The following DCAF6 variants were observed in gnomAD, a reference collection of about 807,000 sequenced individuals.
The protein encoded by DCAF6 is DDB1 and CUL4 associated factor 6, also known as DDB1- and CUL4-associated factor 6.
A neutral mutation model predicts 125.1 loss-of-function variants in DCAF6; 54 were observed. The observed-to-expected ratio is 0.43, with a 90% confidence interval of 0.35 to 0.54. The LOEUF (loss-of-function observed/expected upper bound fraction) is 0.54, where lower values mean the gene tolerates loss of function less well. DCAF6 is among the 20% of genes least tolerant of loss of function. The probability of loss-of-function intolerance (pLI) is 0.01; values close to 1 mark genes in which losing one functional copy is unlikely to be tolerated. For missense variants in DCAF6, 934 were observed against 1,161.7 expected (o/e 0.80, Z 2.85); for synonymous variants, 371 against 390.4 (o/e 0.95, Z 0.58).
chr1:167,928,266 T>A, the DCAF6 span, among the ~76,000 whole-genome samples: 1 of 146,680 alleles, frequency 6.8e-6, no homozygotes, highest in Non-Finnish European at 1.5e-5. Context: ...GAGAATGGCG[T>A]GAAGCCGGGA....
intron 4 of DCAF6, among the ~76,000 whole-genome samples, chr1:167,981,391 T>C (rs1679103532): frequency 6.6e-6 from 1 of 152,180 alleles, no homozygotes; most frequent in Non-Finnish European, 1.5e-5. Context: ...CAACTTTTAT[T>C]TTAGATTCGA....
At chr1:168,038,151 G>A (rs1210761011) in intron 12 of DCAF6, among the ~76,000 whole-genome samples, 6 of 152,136 alleles carry the variant, frequency 3.9e-5, no homozygotes, top group African/African-American at 1.4e-4. Context: ...TGAATCAAAG[G>A]GAGTCATGTA....
chr1:167,925,243 C>A, the DCAF6 span, among the ~76,000 whole-genome samples: 1 of 151,744 alleles, frequency 6.6e-6, no homozygotes, highest in Admixed American at 6.6e-5. Context: ...ATTTGTAAAT[C>A]TATGTACCTA....
chr1:167,913,547 C>A, the DCAF6 span, among the ~76,000 whole-genome samples: 1 of 152,136 alleles, frequency 6.6e-6, no homozygotes, highest in African/African-American at 2.4e-5. Flanking sequence ...ATACAAATAT[C>A]CTTGATTATC....
At chr1:168,037,941 G>A (rs759312565) in intron 12 of DCAF6, among the ~76,000 whole-genome samples, 1 of 152,120 alleles carries the variant, frequency 6.6e-6, no homozygotes, top group Non-Finnish European at 1.5e-5. Flanking sequence ...TTGCCAAACC[G>A]CTTTTCACAG....
the DCAF6 span, among the ~76,000 whole-genome samples, chr1:167,925,522 T>TTTTTTTTTTTGG: frequency 4.2e-5 from 6 of 142,306 alleles, no homozygotes; most frequent in East Asian, 2.0e-4. Flanking sequence ...CAAACAACGT[T>TTTTTTTTTTTGG]TTTTTTTTTT....
chr1:167,879,277 G>T, the DCAF6 span, among the ~76,000 whole-genome samples: 1 of 152,144 alleles, frequency 6.6e-6, no homozygotes, highest in African/African-American at 2.4e-5. Flanking sequence ...TGAGAGGGTG[G>T]TTTATGAAGA....
intron 16 of DCAF6, among the ~76,000 whole-genome samples, chr1:168,050,606 A>G (rs1244693867): frequency 6.6e-6 from 1 of 152,166 alleles, no homozygotes; most frequent in East Asian, 1.9e-4. Context: ...GCAGTTTCCC[A>G]TACTGTGACA....
intron 5 of DCAF6, among the ~76,000 whole-genome samples, chr1:167,988,696 A>G (rs962420531): frequency 1.7e-4 from 26 of 152,322 alleles, no homozygotes; most frequent in Admixed American, 9.1e-4. Flanking sequence ...AGTGCTTGCT[A>G]ACTAAACCAG....
At chr1:167,898,498 G>A in the DCAF6 span, among the ~76,000 whole-genome samples, 1 of 152,054 alleles carries the variant, frequency 6.6e-6, no homozygotes, top group African/African-American at 2.4e-5. Flanking sequence ...GACTCGGAAG[G>A]TTGAGGCAGG....
Position 167,975,028 on chromosome 1 carries a change from TATG to T in DCAF6, c.438+16_438+18del, listed in dbSNP as rs2102892427. On this transcript the variant is annotated intron_variant, in intron 4 of 21. Coordinates refer to ENST00000367840, the MANE Select transcript of DCAF6 (RefSeq NM_001198956.2). ...AACTACTTATGAGGTATGGTATTAT[TATG>T]ATTATATGATATATATGTAAGTATG... 9 of 1,503,450 alleles carry T rather than the reference TATG, an allele frequency of 6.0e-6. No individual in the cohort carries two copies. Among genetic ancestry groups the T allele is most frequent in the Non-Finnish European group, 4.5e-6 (5 of 1,113,470 alleles). 93.1% of individuals were successfully genotyped at this position (1,503,450 alleles called of 1,614,324 possible).
chr1:167,948,149 T>TTA (rs930946315), intron 1 of DCAF6, among the ~76,000 whole-genome samples: 13 of 150,596 alleles, frequency 8.6e-5, no homozygotes, highest in Non-Finnish European at 1.8e-4. Context: ...TTTTTTTTTT[T>TTA]AACTGTTTTT....
chr1:168,063,513 A>G (rs1691875834), intron 17 of DCAF6, 108 bp from the exon 18 acceptor site: 13 of 947,780 alleles, frequency 1.4e-5, no homozygotes, highest in African/African-American at 1.7e-5. Flanking sequence ...CCTTATTGAG[A>G]TAGTGTGTTT....
At chr1:167,919,059 G>A in the DCAF6 span, among the ~76,000 whole-genome samples, 2 of 152,150 alleles carry the variant, frequency 1.3e-5, no homozygotes, top group South Asian at 2.1e-4. Context: ...ATTTATACTC[G>A]CAAAGCACCT....
Position 167,951,820 on chromosome 1 carries a change from A to G in DCAF6, c.118A>G (p.Arg40Gly). The G allele has an allele frequency of 1.2e-6, 2 of 1,602,324 alleles. No homozygotes were observed. The highest frequency in any genetic ancestry group is 1.7e-6 in the Non-Finnish European group (2 of 1,169,836). The change falls in exon 2 of 22, where the codon AGA becomes GGA. Residue 40 changes from arginine (R) to glycine (G), a missense_variant. Arg to Gly is a moderately radical substitution (Grantham distance 125, BLOSUM62 -2). Coordinates refer to ENST00000367840, the MANE Select transcript of DCAF6 (RefSeq NM_001198956.2). ...AACAGGAAGAAGAGAATTTATCCAA[A>G]GATTAAAACTTGAAGCAACCCTTAA... Reference protein sequence around the residue: ...RYLGRREFIQRLKLEATLNVH... With the variant: ...RYLGRREFIQGLKLEATLNVH...
chr1:167,926,385 C>G, the DCAF6 span, among the ~76,000 whole-genome samples: 1 of 152,182 alleles, frequency 6.6e-6, no homozygotes, highest in Non-Finnish European at 1.5e-5. Context: ...CTAGCCACAT[C>G]TTTTTCTCTC....
At chr1:168,069,510 G>A (rs1692771540) in intron 21 of DCAF6, among the ~76,000 whole-genome samples, 1 of 152,138 alleles carries the variant, frequency 6.6e-6, no homozygotes, top group South Asian at 2.1e-4. Context: ...AACTGCATAA[G>A]CAGTGAATTA....
At chr1:168,057,108 A>T (rs1383252036) in intron 17 of DCAF6, among the ~76,000 whole-genome samples, 1 of 152,138 alleles carries the variant, frequency 6.6e-6, no homozygotes, top group Non-Finnish European at 1.5e-5. Flanking sequence ...CACCCTAAAA[A>T]GTCTTTGTTC....
intron 10 of DCAF6, among the ~76,000 whole-genome samples, chr1:168,006,899 T>C (rs994278438): frequency 2.0e-5 from 3 of 152,194 alleles, no homozygotes; most frequent in African/African-American, 7.2e-5. Context: ...AACCTAATTG[T>C]CTGCCTTCTC....
Sources: gnomAD v4.1 joint callset for allele counts (sites outside exome capture counted in the v4.1 genomes callset) on GRCh38, gnomAD v4.1.1 for gene constraint, MANE v1.5 for transcripts, NCBI Gene and HGNC (gene_info 2026-07-23, HGNC 2026-07-21) for gene names.